RSPH14: variants seen among roughly 807,000 people sequenced by gnomAD.
RSPH14 encodes the protein radial spoke head 14 homolog, also known as rhabdoid tumor deletion region gene 1.
Under a neutral mutation model 26.7 loss-of-function variants are expected in RSPH14, and 20 were observed. That is an observed-to-expected ratio of 0.75 (90% CI 0.53 to 1.09). The LOEUF is 1.09. Among genes scored for constraint, RSPH14 ranks in the 50% least tolerant of loss-of-function variants. The pLI, the probability that RSPH14 is intolerant of heterozygous loss-of-function variation, is 0.00. For missense variants in RSPH14, 449 were observed against 457.2 expected, an observed-to-expected ratio of 0.98 and a Z score of 0.16; for synonymous variants, 177 against 189.3, an observed-to-expected ratio of 0.93 and a Z score of 0.53.
chr22:23,091,186 A>G (rs961981975), intron 4 of RSPH14, among the ~76,000 whole-genome samples: 2 of 152,228 alleles, frequency 1.3e-5, no homozygotes, highest in African/African-American at 4.8e-5. Flanking sequence ...ACCTGCTCAC[A>G]GACATGTACA....
rs1038580371 is a variant in RSPH14, at chr22:23,128,008, A to T, written c.421+6018T>A. Among the ~76,000 whole-genome samples the T allele has an allele frequency of 2.6e-5, 4 of 152,214 alleles. No homozygotes were observed. The East Asian group carries it at 7.8e-4, about 30-fold the overall frequency. On this transcript the variant is annotated intron_variant, in intron 4 of 6. Transcript: ENST00000216036. ...TGCACACGTGTGGAGTCAGGGTCAG[A>T]ACAGGCCCCATCATGCTGCTGCTAA...
intron 4 of RSPH14, among the ~76,000 whole-genome samples, chr22:23,066,085 G>T (rs548050319): frequency 2.0e-5 from 3 of 152,328 alleles, no homozygotes; most frequent in Non-Finnish European, 4.4e-5. Flanking sequence ...CCAGCTCACA[G>T]CAGGGAGGCG....
At chr22:23,064,163 G>A (rs1362739318) in intron 4 of RSPH14, 30 bp from the exon 5 acceptor site, 11 of 1,605,524 alleles carry the variant, frequency 6.9e-6, no homozygotes, top group South Asian at 1.1e-5. Context: ...ACTGAGGGCG[G>A]GCTGGCCACA....
chr22:23,081,648 C>A (rs191933824), intron 4 of RSPH14, among the ~76,000 whole-genome samples: 2 of 151,900 alleles, frequency 1.3e-5, no homozygotes, highest in East Asian at 3.9e-4. Context: ...ATGGCAAAAC[C>A]CTGTCTCTAC....
At chr22:23,142,162 A>G (rs533214271), upstream of RSPH14, 2 of 349,506 alleles carry the variant, frequency 5.7e-6, no homozygotes, top group Non-Finnish European at 4.0e-6. Flanking sequence ...GACCAAAGGC[A>G]GCTCAGCTTT....
chr22:23,116,793 G>T (rs908646574), intron 4 of RSPH14, among the ~76,000 whole-genome samples: 4 of 152,172 alleles, frequency 2.6e-5, no homozygotes, highest in African/African-American at 9.7e-5. Flanking sequence ...AAGGAGTGGG[G>T]TGTGGGGAGG....
At chr22:23,171,855 C>CAAAAAAAAAAAAAAA in the RSPH14 span, among the ~76,000 whole-genome samples, 1 of 25,054 alleles carries the variant, frequency 4.0e-5, no homozygotes. Context: ...AAAAAAAAAA[C>CAAAAAAAAAAAAAAA]AAAAAAAAAA....
the RSPH14 span, chr22:23,150,230 CAAATG>C: frequency 1.7e-6 from 2 of 1,145,864 alleles, no homozygotes; most frequent in Non-Finnish European, 2.6e-6. Flanking sequence ...AAAGAATGAA[CAAATG>C]AAACACACAC....
At chr22:23,117,506 C>T (rs1244442882) in intron 4 of RSPH14, among the ~76,000 whole-genome samples, 1 of 152,216 alleles carries the variant, frequency 6.6e-6, no homozygotes, top group Admixed American at 6.5e-5. Context: ...GGTAGCCTTC[C>T]CTCAGCTGCC....
chr22:23,063,874 T>C (rs778426281), intron 5 of RSPH14, 28 bp downstream of exon 5: 3 of 1,608,464 alleles, frequency 1.9e-6, no homozygotes, highest in South Asian at 2.2e-5. Flanking sequence ...CCAGCCTTGG[T>C]AGAAACCCAG....
intron 4 of RSPH14, among the ~76,000 whole-genome samples, chr22:23,131,998 T>C (rs1171206101): frequency 6.6e-6 from 1 of 152,162 alleles, no homozygotes; most frequent in Admixed American, 6.5e-5. Context: ...TGGGCCTGCC[T>C]ATCTGCACCT....
At position 23,136,160 on chromosome 22, in the gene RSPH14, T is replaced by G. The variant is rs1601863157; in HGVS notation, c.303-2016A>C. 3 of 666,278 alleles carry G rather than the reference T, an allele frequency of 4.5e-6. No homozygotes were observed. In the Admixed American group the frequency reaches 6.7e-5, roughly 15 times the overall value. The allele number at this position is 666,278 out of a possible 1,614,324, so 41.3% of individuals were successfully genotyped here. ...TGTCTCTCATGCTTTGATAGTCAGTTGTGTTTGCCTGTGTGCCTCCTCACC... is the reference window on the plus strand; with the variant it reads ...TGTCTCTCATGCTTTGATAGTCAGTGGTGTTTGCCTGTGTGCCTCCTCACC... On this transcript the variant is annotated intron_variant, in intron 3 of 6. Transcript: ENST00000216036.
At chr22:23,153,892 T>C in the RSPH14 span, among the ~76,000 whole-genome samples, 4,568 of 152,048 alleles carry the variant, frequency 0.03, 229 homozygotes, top group African/African-American at 0.11. Context: ...TTTTACTATG[T>C]TGGCCATGCT....
intron 4 of RSPH14, chr22:23,096,305 G>A: frequency 6.2e-7 from 1 of 1,614,022 alleles, no homozygotes; most frequent in Middle Eastern, 1.6e-4. Context: ...GGACGTGGGG[G>A]GGCAGAGGTC....
chr22:23,158,780 C>T, the RSPH14 span: 6 of 873,902 alleles, frequency 6.9e-6, no homozygotes, highest in Non-Finnish European at 1.1e-5. Flanking sequence ...GCCAGGAAGC[C>T]CTCCTTGTCC....
the RSPH14 span, among the ~76,000 whole-genome samples, chr22:23,173,269 G>A: frequency 6.6e-6 from 1 of 152,026 alleles, no homozygotes; most frequent in African/African-American, 2.4e-5. Flanking sequence ...CAAATAGCTG[G>A]GACTACAGGT....
chr22:23,119,549 C>A (rs1227286606), intron 4 of RSPH14, among the ~76,000 whole-genome samples: 2 of 152,232 alleles, frequency 1.3e-5, no homozygotes, highest in Non-Finnish European at 2.9e-5. Context: ...ACCACACTGT[C>A]CCATGCTGGG....
Position 23,096,533 on chromosome 22 carries a change from C to G in RSPH14, c.422-32400G>C, listed in dbSNP as rs577491287. ...AGCCAGAAAGGGAACCAGGCGCAGG[C>G]CTGGCCCTGCTGCACGATAACTGAG... On this transcript the variant is annotated intron_variant, in intron 4 of 6. Coordinates refer to ENST00000216036, the MANE Select transcript of RSPH14 (RefSeq NM_014433.3). The G allele has an allele frequency of 1.8e-5, 20 of 1,110,814 alleles. No individual in the cohort carries two copies. In the African/African-American group the frequency reaches 2.3e-4, roughly 13 times the overall value. 68.8% of individuals were successfully genotyped at this position (1,110,814 alleles called of 1,614,324 possible).
At chr22:23,096,299 G>A (rs749025428) in intron 4 of RSPH14, 7 of 1,613,920 alleles carry the variant, frequency 4.3e-6, no homozygotes, top group South Asian at 2.2e-5. Context: ...GATGGTGGAC[G>A]TGGGGGGGCA....
Sources: allele counts gnomAD v4.1 joint callset (sites outside exome capture counted in the v4.1 genomes callset), GRCh38; gene constraint gnomAD v4.1.1; transcripts MANE v1.5; gene names NCBI Gene and HGNC (gene_info 2026-07-23, HGNC 2026-07-21).